HABP2: variants seen among roughly 807,000 people sequenced by gnomAD.
HABP2 encodes the protein factor VII-activating protease.
HABP2 carries 65 observed loss-of-function variants against 66.5 expected under a neutral mutation model. That is an observed-to-expected ratio of 0.98 (90% confidence interval 0.80 to 1.20). HABP2 has a LOEUF of 1.20. Ranked by LOEUF, HABP2 falls within the 50% of genes most tolerant of loss-of-function variation. The pLI is 0.00. For missense variants in HABP2, 786 were observed against 691.0 expected, an observed-to-expected ratio of 1.14 and a Z score of -1.54; for synonymous variants, 263 against 253.9, an observed-to-expected ratio of 1.04 and a Z score of -0.34.
At chr10:113,565,070 T>C (rs1565098611) in intron 1 of HABP2, among the ~76,000 whole-genome samples, 1 of 152,166 alleles carries the variant, frequency 6.6e-6, no homozygotes, top group Non-Finnish European at 1.5e-5. Context: ...GGTCTTGATC[T>C]CCTGACCTTG....
At chr10:113,565,694 C>T (rs1269308490) in intron 1 of HABP2, among the ~76,000 whole-genome samples, 1 of 152,206 alleles carries the variant, frequency 6.6e-6, no homozygotes, top group Non-Finnish European at 1.5e-5. Flanking sequence ...GCCCAAACCA[C>T]AGCACTCAAT....
upstream of HABP2, among the ~76,000 whole-genome samples, chr10:113,552,795 G>A (rs1422700407): frequency 6.6e-6 from 1 of 152,156 alleles, no homozygotes; most frequent in African/African-American, 2.4e-5. Context: ...TGCTAGTCAC[G>A]CTGTCAGGCT....
intron 2 of HABP2, among the ~76,000 whole-genome samples, chr10:113,568,411 A>C (rs1845239899): frequency 6.6e-6 from 1 of 152,204 alleles, no homozygotes; most frequent in Non-Finnish European, 1.5e-5. Context: ...AACTGGGCCA[A>C]AGTCAGTTTG....
At chr10:113,566,358 G>A (rs948588866) in intron 1 of HABP2, among the ~76,000 whole-genome samples, 1 of 152,224 alleles carries the variant, frequency 6.6e-6, no homozygotes, top group Non-Finnish European at 1.5e-5. Context: ...TGGCCCAAGG[G>A]CCCTTATTTG....
intron 2 of HABP2, 28 bp from the exon 3 acceptor site, chr10:113,574,261 T>C (rs1450865303): frequency 8.9e-7 from 1 of 1,119,370 alleles, no homozygotes; most frequent in Admixed American, 1.8e-5. Context: ...TGATTAGGAT[T>C]TCTTCTGTCC....
At chr10:113,567,356 T>C (rs1592687802) in intron 1 of HABP2, 133 bp from the exon 2 acceptor site, 2 of 718,230 alleles carry the variant, frequency 2.8e-6, no homozygotes, top group African/African-American at 3.5e-5. Context: ...CTTCAACCTC[T>C]AGCCCAGCCA....
At chr10:113,576,405 G>A (rs1380325903) in intron 4 of HABP2, among the ~76,000 whole-genome samples, 1 of 152,162 alleles carries the variant, frequency 6.6e-6, no homozygotes, top group Non-Finnish European at 1.5e-5. Flanking sequence ...GAGAGTGGGG[G>A]CATTTGATCA....
chr10:113,567,528 A>T lies in HABP2; in HGVS notation c.106+3A>T. 6.2e-7 allele frequency: 1 copy of T among 1,607,746 alleles called. No homozygotes were observed. The highest frequency in any genetic ancestry group is 1.7e-5 in the Admixed American group (1 of 60,008). On this transcript the variant is annotated splice_donor_region_variant and intron_variant, in intron 2 of 12. Transcript: ENST00000351270. ...TTTATTGGAAAGCCTGGACCCAGGT[A>T]AGTGTGCTGATCTCCCTGGGGCTTC...
intron 1 of HABP2, among the ~76,000 whole-genome samples, chr10:113,559,899 G>A (rs1417992276): frequency 6.6e-6 from 1 of 152,208 alleles, no homozygotes; most frequent in East Asian, 1.9e-4. Flanking sequence ...AGGCATAGGT[G>A]ATCGGCGTCA....
At chr10:113,583,694 T>G (rs557739431) in intron 10 of HABP2, among the ~76,000 whole-genome samples, 18 of 152,318 alleles carry the variant, frequency 1.2e-4, no homozygotes, top group Middle Eastern at 6.8e-3. Flanking sequence ...GAAACACTGA[T>G]GCACAACTCT....
chr10:113,578,392 G>A (rs150203631), intron 6 of HABP2, among the ~76,000 whole-genome samples: 2 of 152,304 alleles, frequency 1.3e-5, no homozygotes, highest in East Asian at 1.9e-4. Flanking sequence ...CAGTTCTTGT[G>A]TGAGCCAGAA....
chr10:113,571,699 A>T (rs940156569), intron 2 of HABP2, among the ~76,000 whole-genome samples: 4 of 152,082 alleles, frequency 2.6e-5, no homozygotes, highest in African/African-American at 7.2e-5. Context: ...CCAGGCCTAG[A>T]CTTGGTCACT....
intron 10 of HABP2, among the ~76,000 whole-genome samples, chr10:113,583,923 A>G (rs1460465658): frequency 6.6e-6 from 1 of 152,128 alleles, no homozygotes; most frequent in Non-Finnish European, 1.5e-5. Flanking sequence ...TGGATTAGAA[A>G]TGATTTCAAA....
chr10:113,589,119 C>A lies in HABP2; in HGVS notation c.*750C>A. On this transcript the variant is annotated 3_prime_UTR_variant, in exon 13 of 13. Transcript: ENST00000351270. ...CATACCCCAAGTTAAAATGAAGCTCCCCCACCCCCACTCCCGGCCCCGGTT... is the reference window on the plus strand; with the variant it reads ...CATACCCCAAGTTAAAATGAAGCTCACCCACCCCCACTCCCGGCCCCGGTT... 1 of 1,541,950 alleles carries A rather than the reference C, an allele frequency of 6.5e-7. No individual in the cohort carries two copies. The highest frequency in any genetic ancestry group is 8.9e-7 in the Non-Finnish European group (1 of 1,117,454).
rs1489302349 is a variant in HABP2, at chr10:113,589,130, C to T, written c.*761C>T. On this transcript the variant is annotated 3_prime_UTR_variant, in exon 13 of 13. Transcript: ENST00000351270. Reference sequence around the variant, plus strand: ...TTAAAATGAAGCTCCCCCACCCCCACTCCCGGCCCCGGTTCCCACAGGACA... The same window carrying T: ...TTAAAATGAAGCTCCCCCACCCCCATTCCCGGCCCCGGTTCCCACAGGACA... The T allele has an allele frequency of 2.0e-6, 3 of 1,488,766 alleles. No homozygotes were observed. The African/African-American group carries it at 4.1e-5, about 21-fold the overall frequency. 92.2% of individuals were successfully genotyped at this position (1,488,766 alleles called of 1,614,324 possible).
intron 1 of HABP2, among the ~76,000 whole-genome samples, chr10:113,566,284 A>G (rs1311082932): frequency 6.6e-6 from 1 of 152,248 alleles, no homozygotes; most frequent in African/African-American, 2.4e-5. Flanking sequence ...AAAAGCAGCC[A>G]TAAACAAACA....
At chr10:113,566,756 G>A (rs959910583) in intron 1 of HABP2, among the ~76,000 whole-genome samples, 8 of 152,312 alleles carry the variant, frequency 5.3e-5, no homozygotes, top group South Asian at 2.1e-4. Flanking sequence ...GAGACCTAGC[G>A]AAGGTCATAG....
At chr10:113,577,638 C>T (rs1176949877) in intron 5 of HABP2, among the ~76,000 whole-genome samples, 1 of 152,332 alleles carries the variant, frequency 6.6e-6, no homozygotes, top group South Asian at 2.1e-4. Flanking sequence ...CAAGGAGGAG[C>T]TTTACAGATG....
Position 113,589,174 on chromosome 10 carries a change from G to A in HABP2, c.*805G>A. On this transcript the variant is annotated 3_prime_UTR_variant, in exon 13 of 13. Transcript: ENST00000351270. ...CAGGACACGCTAAGAAGCACAGGGA[G>A]CATTTAACAGGCTCACCCTCCCTTT... 4 of 945,880 alleles carry A rather than the reference G, an allele frequency of 4.2e-6. No individual in the cohort carries two copies. The South Asian group carries it at 4.6e-5, about 11-fold the overall frequency. 58.6% of individuals were successfully genotyped at this position (945,880 alleles called of 1,614,324 possible).
Sources: allele counts gnomAD v4.1 joint callset (sites outside exome capture counted in the v4.1 genomes callset), GRCh38; gene constraint gnomAD v4.1.1; transcripts MANE v1.5; gene names NCBI Gene and HGNC (gene_info 2026-07-23, HGNC 2026-07-21).